Variants in PKHD1 observed in about 807,000 individuals in gnomAD.
The protein encoded by PKHD1 is fibrocystin.
In PKHD1, 291 loss-of-function variants were observed where a neutral mutation model predicts 412.0. That is an observed-to-expected ratio of 0.71 (90% CI 0.64 to 0.78). PKHD1 has a LOEUF of 0.78. Among genes scored for constraint, PKHD1 ranks in the 30% least tolerant of loss-of-function variants. The pLI is 0.00. For synonymous variants in PKHD1, 1,777 were observed against 1,821.5 expected (o/e 0.98, Z 0.62); for missense variants, 4,825 against 4,950.7 (o/e 0.97, Z 0.76).
chr6:52,010,309 C>T lies in PKHD1; in HGVS notation c.5751G>A (p.Gln1917=), dbSNP rs398124489. Residue 1917 remains glutamine (Q), a splice_region_variant and synonymous_variant, in exon 35 of 67, where the codon CAG becomes CAA. Transcript: ENST00000371117. Reference sequence around the variant, plus strand: ...GTCTGTAAAAAAGATTTGATTATACCTGAGTGTTCTGGCCCCAGCGTTTCC... The same window carrying T: ...GTCTGTAAAAAAGATTTGATTATACTTGAGTGTTCTGGCCCCAGCGTTTCC... ...EIRKRWGQNT[Q]GNFSLQFCRR... 10 of 1,613,286 alleles carry T rather than the reference C, an allele frequency of 6.2e-6. No individual in the cohort carries two copies. In the African/African-American group the frequency reaches 6.7e-5, roughly 11 times the overall value.
chr6:51,988,191 G>A (rs1017207479), intron 35 of PKHD1, among the ~76,000 whole-genome samples: 7 of 152,078 alleles, frequency 4.6e-5, no homozygotes, highest in African/African-American at 7.2e-5. Context: ...TGATGAAAAC[G>A]CCCTATGTCT....
intron 52 of PKHD1, among the ~76,000 whole-genome samples, chr6:51,828,098 C>A (rs114738776): frequency 2.0e-5 from 3 of 151,812 alleles, no homozygotes; most frequent in Non-Finnish European, 4.4e-5. Flanking sequence ...GTTAAGAATG[C>A]GGATGGTAAG....
intron 4 of PKHD1, among the ~76,000 whole-genome samples, chr6:52,081,114 T>G (rs888668443): frequency 1.3e-5 from 2 of 151,840 alleles, no homozygotes; most frequent in African/African-American, 4.9e-5. Context: ...AATTAGTATA[T>G]TTAATAGGAT....
intron 35 of PKHD1, 125 bp downstream of exon 35, chr6:52,010,184 A>G: frequency 2.5e-6 from 2 of 798,988 alleles, no homozygotes; most frequent in South Asian, 3.0e-5. Flanking sequence ...CAGCTTCTCA[A>G]AGTTTGAGCA....
At chr6:51,768,936 T>C (rs1277079585) in intron 55 of PKHD1, among the ~76,000 whole-genome samples, 2 of 151,738 alleles carry the variant, frequency 1.3e-5, no homozygotes. Flanking sequence ...TGAATTTTAT[T>C]AAACATATTT....
intron 3 of PKHD1, among the ~76,000 whole-genome samples, 169 bp downstream of exon 3, chr6:52,083,009 A>T (rs1812266689): frequency 6.6e-6 from 1 of 152,200 alleles, no homozygotes; most frequent in Admixed American, 6.5e-5. Flanking sequence ...TGCTTCTGTG[A>T]CATTAGCAAG....
chr6:51,683,496 T>A (rs1246592259), intron 60 of PKHD1, among the ~76,000 whole-genome samples: 2 of 152,062 alleles, frequency 1.3e-5, no homozygotes, highest in African/African-American at 4.8e-5. Flanking sequence ...GTATACCTGA[T>A]TAAGCAAAAT....
intron 52 of PKHD1, among the ~76,000 whole-genome samples, chr6:51,818,335 T>C (rs1765815591): frequency 2.0e-5 from 3 of 152,216 alleles, no homozygotes; most frequent in Non-Finnish European, 4.4e-5. Context: ...ATAAAATATA[T>C]TTTGCAACGG....
At position 52,022,916 on chromosome 6, in the gene PKHD1, C is replaced by T; in HGVS notation, c.5265G>A (p.Val1755=). ...FGCLGGRLVH[V]FGAGFSPGNV... ...TCCCTGGAGAAAATCCCGCTCCAAA[C>T]ACATGCACCAGCCTTCCACCCAGGC... is the stretch of plus-strand genomic sequence containing the variant. The change falls in exon 33 of 67, where the codon GTG becomes GTA. Residue 1755 remains valine, a synonymous_variant. Coordinates refer to ENST00000371117, the MANE Select transcript of PKHD1 (RefSeq NM_138694.4). 6.2e-7 allele frequency: 1 copy of T among 1,614,166 alleles called. No homozygotes were observed. Among genetic ancestry groups the T allele is most frequent in the Non-Finnish European group, 8.5e-7 (1 of 1,180,032 alleles).
At chr6:52,070,891 A>G (rs1429680273) in intron 9 of PKHD1, 115 bp downstream of exon 9, 3 of 734,276 alleles carry the variant, frequency 4.1e-6, no homozygotes, top group Non-Finnish European at 7.4e-6. Context: ...CTTAACAAAT[A>G]GTAATTATTG....
chr6:51,982,206 C>A (rs373070857), intron 35 of PKHD1, among the ~76,000 whole-genome samples: 1 of 12,856 alleles, frequency 7.8e-5, no homozygotes, highest in Admixed American at 1.2e-3. Flanking sequence ...GCCCCCCGCC[C>A]GGCCAGCCGC....
At chr6:52,056,186 G>T (rs1159747752) in intron 18 of PKHD1, among the ~76,000 whole-genome samples, 1 of 152,128 alleles carries the variant, frequency 6.6e-6, no homozygotes, top group Non-Finnish European at 1.5e-5. Flanking sequence ...CATTTTCTCT[G>T]TGTAGCAGGA....
rs76132236 is a variant in PKHD1 at position 51,687,996 on chromosome 6, G to C, written c.10157-28027C>G. On this transcript the variant is annotated intron_variant, in intron 60 of 66. Coordinates refer to ENST00000371117, the MANE Select transcript of PKHD1 (RefSeq NM_138694.4). ...AAAATACTACTAATTAACTAGACTT[G>C]AGAAAGGGCTGGTACTAGGCAATGT... Among the ~76,000 whole-genome samples, 157 of 152,292 alleles carry C rather than the reference G, an allele frequency of 1.0e-3. 3 individuals carry two copies. The East Asian group carries it at 0.019, about 19-fold the overall frequency.
chr6:51,801,771 A>G lies in PKHD1; in HGVS notation c.8303-10398T>C, dbSNP rs1762977519. Among the ~76,000 whole-genome samples, 4 of 151,824 alleles carry G rather than the reference A, an allele frequency of 2.6e-5. No homozygotes were observed. In the South Asian group the frequency reaches 8.3e-4, roughly 32 times the overall value. Reference sequence around the variant, plus strand: ...TTTAAACTTTGGACAATAAATCCCCATCCCACTCCCCACATTCTTTCTGTG... The same window carrying G: ...TTTAAACTTTGGACAATAAATCCCCGTCCCACTCCCCACATTCTTTCTGTG... On this transcript the variant is annotated intron_variant, in intron 52 of 66. Coordinates refer to ENST00000371117, the MANE Select transcript of PKHD1 (RefSeq NM_138694.4).
intron 60 of PKHD1, among the ~76,000 whole-genome samples, chr6:51,660,861 T>C (rs1221635042): frequency 1.3e-5 from 2 of 152,098 alleles, no homozygotes; most frequent in South Asian, 2.1e-4. Flanking sequence ...GTAGGTATGA[T>C]TGACTAAGTT....
chr6:51,815,057 C>T (rs539767200), intron 52 of PKHD1, among the ~76,000 whole-genome samples: 10 of 152,188 alleles, frequency 6.6e-5, no homozygotes, highest in Non-Finnish European at 1.3e-4. Flanking sequence ...ACCCTCCATC[C>T]ACCCTTTGTT....
chr6:51,974,921 A>G (rs1216769807), intron 35 of PKHD1, among the ~76,000 whole-genome samples: 2 of 152,200 alleles, frequency 1.3e-5, no homozygotes, highest in Non-Finnish European at 2.9e-5. Flanking sequence ...AGACCATGTG[A>G]AGACACAAAG....
intron 56 of PKHD1, among the ~76,000 whole-genome samples, chr6:51,753,822 GCAGCAGCAGCGCCCTCTC>G (rs1786513499): frequency 6.6e-6 from 1 of 152,196 alleles, no homozygotes; most frequent in South Asian, 2.1e-4. Context: ...GCAGCACCAG[GCAGCAGCAGCGCCCTCTC>G]ATGGTGGATC....
At chr6:51,698,621 T>C (rs1383799576) in intron 60 of PKHD1, among the ~76,000 whole-genome samples, 1 of 152,168 alleles carries the variant, frequency 6.6e-6, no homozygotes, top group Non-Finnish European at 1.5e-5. Context: ...AAATACATGG[T>C]TTCCAGTGGA....
Sources: allele counts gnomAD v4.1 joint callset (sites outside exome capture counted in the v4.1 genomes callset), GRCh38; gene constraint gnomAD v4.1.1; transcripts MANE v1.5; gene names NCBI Gene and HGNC (gene_info 2026-07-23, HGNC 2026-07-21).